The following SH3BGRL2 variants were observed in gnomAD, a reference collection of about 807,000 sequenced individuals.
SH3BGRL2 encodes SH3 domain binding glutamate rich protein like 2.
Under a neutral mutation model 14.8 loss-of-function variants are expected in SH3BGRL2, and 21 were observed. The ratio of observed to expected loss-of-function variants is 1.42; its 90% CI spans 1.01 to 2.05. The LOEUF (loss-of-function observed/expected upper bound fraction) is 2.05. Among genes scored for constraint, SH3BGRL2 ranks in the 30% most tolerant of loss-of-function variants. The pLI, the probability that SH3BGRL2 is intolerant of heterozygous loss-of-function variation, is 0.00. For missense variants in SH3BGRL2, 147 were observed against 130.8 expected (o/e 1.12, Z -0.61); for synonymous variants, 50 against 47.8 (o/e 1.05, Z -0.19).
At chr6:79,588,443 C>T in the SH3BGRL2 span, among the ~76,000 whole-genome samples, 1 of 152,134 alleles carries the variant, frequency 6.6e-6, no homozygotes, top group African/African-American at 2.4e-5. Context: ...TAAAAATGTT[C>T]TGCTCTTCCT....
chr6:79,620,226 C>A, the SH3BGRL2 span, among the ~76,000 whole-genome samples: 1 of 151,926 alleles, frequency 6.6e-6, no homozygotes, highest in Non-Finnish European at 1.5e-5. Flanking sequence ...ATCTCTTTTA[C>A]AAAGCTCATT....
Position 79,699,867 on chromosome 6 carries a change from C to T in SH3BGRL2, c.*358C>T. On this transcript the variant is annotated 3_prime_UTR_variant, in exon 4 of 4. Coordinates refer to ENST00000369838, the MANE Select transcript of SH3BGRL2 (RefSeq NM_031469.4). ...TAGGTTATAGTAGATGCCGGAATTG[C>T]GTAAACCCACTTCTCTTTAAGCTGC... 1 of 265,000 alleles carries T rather than the reference C, an allele frequency of 3.8e-6. No homozygotes were observed. The highest frequency in any genetic ancestry group is 7.0e-6 in the Non-Finnish European group (1 of 142,960). 16.4% of individuals were successfully genotyped at this position (265,000 alleles called of 1,614,324 possible).
rs1211145235 is a variant in SH3BGRL2 at position 79,641,147 on chromosome 6, CTTTTGTGT to C, written c.45+9642_45+9649del. 6.0e-5 allele frequency among the ~76,000 whole-genome samples: 7 copies of C among 117,502 alleles called. No homozygotes were observed. In the East Asian group the frequency reaches 8.9e-4, roughly 15 times the overall value. 77.1% of individuals were successfully genotyped at this position (117,502 alleles called of 152,430 possible). A position where few individuals can be genotyped will look rare whatever the true frequency, so the allele number is the denominator to read the frequency against. ...ATTAAAGCTCAGTGGTTCTCTCACCCTTTTGTGTGTGTGTGTGTGTGTGTGTGTGTGTG... is the reference window on the plus strand; with the variant it reads ...ATTAAAGCTCAGTGGTTCTCTCACCCGTGTGTGTGTGTGTGTGTGTGTGTG... On this transcript the variant is annotated intron_variant, in intron 1 of 3. Coordinates refer to ENST00000369838, the MANE Select transcript of SH3BGRL2 (RefSeq NM_031469.4).
At chr6:79,572,821 C>T in the SH3BGRL2 span, among the ~76,000 whole-genome samples, 1 of 152,184 alleles carries the variant, frequency 6.6e-6, no homozygotes, top group South Asian at 2.1e-4. Context: ...CATGTGTGTT[C>T]ATGTTAATTG....
chr6:79,636,533 GAA>G (rs1409352609), intron 1 of SH3BGRL2, among the ~76,000 whole-genome samples: 3 of 152,100 alleles, frequency 2.0e-5, no homozygotes, highest in African/African-American at 7.2e-5. Context: ...GTAAGAGTGA[GAA>G]AGTTTGTATA....
At chr6:79,648,214 C>G (rs1401036411) in intron 1 of SH3BGRL2, among the ~76,000 whole-genome samples, 1 of 135,510 alleles carries the variant, frequency 7.4e-6, no homozygotes, top group Admixed American at 7.8e-5. Flanking sequence ...TGATCTGATT[C>G]TGACCTACCT....
At chr6:79,543,882 A>G in the SH3BGRL2 span, among the ~76,000 whole-genome samples, 525 of 152,258 alleles carry the variant, frequency 3.4e-3, 7 homozygotes, top group African/African-American at 0.012. Flanking sequence ...TTACTAAGGC[A>G]CTCTTCTTTT....
At chr6:79,579,806 C>T in the SH3BGRL2 span, among the ~76,000 whole-genome samples, 6 of 152,256 alleles carry the variant, frequency 3.9e-5, no homozygotes, top group East Asian at 1.2e-3. Flanking sequence ...ACAATATTAA[C>T]CTTAAATGTA....
At chr6:79,642,944 T>C (rs1283367522) in intron 1 of SH3BGRL2, among the ~76,000 whole-genome samples, 2 of 152,028 alleles carry the variant, frequency 1.3e-5, no homozygotes, top group Non-Finnish European at 2.9e-5. Context: ...AGGTAGATGA[T>C]GGTAAAAGCA....
intron 1 of SH3BGRL2, among the ~76,000 whole-genome samples, chr6:79,651,822 G>A (rs1769302760): frequency 6.6e-6 from 1 of 152,178 alleles, no homozygotes; most frequent in African/African-American, 2.4e-5. Context: ...TGGGAGTTTG[G>A]TGAAGGAGAT....
chr6:79,618,354 T>G, the SH3BGRL2 span, among the ~76,000 whole-genome samples: 508 of 152,324 alleles, frequency 3.3e-3, 4 homozygotes, highest in African/African-American at 0.012. Flanking sequence ...AAATTTGGCT[T>G]CCTCCTGTGT....
chr6:79,638,848 G>T (rs538718576), intron 1 of SH3BGRL2, among the ~76,000 whole-genome samples: 1 of 152,100 alleles, frequency 6.6e-6, no homozygotes, highest in East Asian at 1.9e-4. Flanking sequence ...TTAATCTCCT[G>T]TTGACACATA....
the SH3BGRL2 span, among the ~76,000 whole-genome samples, chr6:79,545,990 G>T: frequency 6.6e-6 from 1 of 152,066 alleles, no homozygotes; most frequent in African/African-American, 2.4e-5. Context: ...TTCCAGGGAT[G>T]TAAAATTTCC....
At chr6:79,611,404 C>CTTTTT in the SH3BGRL2 span, among the ~76,000 whole-genome samples, 4 of 123,690 alleles carry the variant, frequency 3.2e-5, no homozygotes, top group African/African-American at 1.2e-4. Flanking sequence ...CAGTATATAA[C>CTTTTT]TTTTTTTTTT....
At chr6:79,586,255 T>C in the SH3BGRL2 span, among the ~76,000 whole-genome samples, 1 of 144,550 alleles carries the variant, frequency 6.9e-6, no homozygotes, top group African/African-American at 2.6e-5. Flanking sequence ...TTTTTTTTTT[T>C]TTTTTTGCTC....
chr6:79,640,737 A>G (rs2127723747), intron 1 of SH3BGRL2, among the ~76,000 whole-genome samples: 1 of 152,186 alleles, frequency 6.6e-6, no homozygotes, highest in South Asian at 2.1e-4. Context: ...CTCTTGGAGC[A>G]GACAGGGAAC....
At chr6:79,608,755 C>T in the SH3BGRL2 span, among the ~76,000 whole-genome samples, 1 of 152,212 alleles carries the variant, frequency 6.6e-6, no homozygotes, top group Admixed American at 6.5e-5. Context: ...GGTGAGAACC[C>T]CCTGGAATGT....
chr6:79,679,299 G>A (rs1279426982), intron 2 of SH3BGRL2, among the ~76,000 whole-genome samples: 1 of 151,626 alleles, frequency 6.6e-6, no homozygotes, highest in South Asian at 2.1e-4. Flanking sequence ...TTTAATAATG[G>A]CCATTCTGAC....
rs542476104 is a variant in SH3BGRL2 at position 79,674,696 on chromosome 6, T to C, written c.231+897T>C. ...ACAATCCTTTCCCCCACGTGCGTAA[T>C]GGAGAATGAGAAGTTGTAATATAAA... On this transcript the variant is annotated intron_variant, in intron 2 of 3. Transcript: ENST00000369838. Among the ~76,000 whole-genome samples, 19 of 152,242 alleles carry C rather than the reference T, an allele frequency of 1.2e-4. No individual in the cohort carries two copies. In the East Asian group the frequency reaches 3.5e-3, roughly 28 times the overall value.
Sources: gnomAD v4.1 joint callset for allele counts (sites outside exome capture counted in the v4.1 genomes callset) on GRCh38, gnomAD v4.1.1 for gene constraint, MANE v1.5 for transcripts, NCBI Gene and HGNC (gene_info 2026-07-23, HGNC 2026-07-21) for gene names.